Variants in SUPT16H observed in about 807,000 individuals in gnomAD.
SUPT16H encodes SPT16 homolog, facilitates chromatin remodeling subunit.
SUPT16H carries 24 observed loss-of-function variants against 136.2 expected under a neutral mutation model. The observed-to-expected ratio is 0.18, with a 90% CI of 0.13 to 0.25. The LOEUF is 0.25. Ranked by LOEUF, SUPT16H falls within the 10% of genes least tolerant of loss-of-function variation. SUPT16H has a pLI of 1.00. For synonymous variants in SUPT16H, 415 were observed against 428.2 expected, an observed-to-expected ratio of 0.97 and a Z score of 0.38; for missense variants, 623 against 1,270.2, an observed-to-expected ratio of 0.49 and a Z score of 7.74.
At chr14:21,366,164 G>T (rs1029208919) in intron 8 of SUPT16H, among the ~76,000 whole-genome samples, 1 of 152,122 alleles carries the variant, frequency 6.6e-6, no homozygotes, top group Admixed American at 6.5e-5. Context: ...AGGAGATATA[G>T]TATGTATTGA....
intron 22 of SUPT16H, 41 bp downstream of exon 22, chr14:21,357,156 G>A (rs1298633163): frequency 6.7e-7 from 1 of 1,495,410 alleles, no homozygotes; most frequent in Non-Finnish European, 8.9e-7. Flanking sequence ...ATAAAACAGG[G>A]CTCATGGGCT....
At chr14:21,359,344 T>C (rs1886502675) in intron 19 of SUPT16H, 140 bp downstream of exon 19, 1 of 1,187,294 alleles carries the variant, frequency 8.4e-7, no homozygotes, top group East Asian at 2.5e-5. Flanking sequence ...GATCTGCCCA[T>C]GTTGGCCTCC....
chr14:21,371,809 G>T, intron 3 of SUPT16H, 65 bp downstream of exon 3: 1 of 1,585,766 alleles, frequency 6.3e-7, no homozygotes, highest in Non-Finnish European at 8.6e-7. Flanking sequence ...CTCCTATAAG[G>T]CATTTCTGTT....
At chr14:21,380,534 G>T (rs1239576433) in intron 1 of SUPT16H, among the ~76,000 whole-genome samples, 2 of 152,116 alleles carry the variant, frequency 1.3e-5, no homozygotes, top group Non-Finnish European at 2.9e-5. Flanking sequence ...CAAAGAGCCA[G>T]AAAGCTCCAC....
intron 5 of SUPT16H, 30 bp from the exon 6 acceptor site, chr14:21,369,385 C>A (rs1451256970): frequency 1.2e-6 from 2 of 1,613,574 alleles, no homozygotes; most frequent in South Asian, 2.2e-5. Flanking sequence ...TAAAGTAACA[C>A]TTACTAGAGG....
At chr14:21,358,270 A>G in intron 20 of SUPT16H, 45 bp downstream of exon 20, 1 of 1,203,908 alleles carries the variant, frequency 8.3e-7, no homozygotes, top group Non-Finnish European at 1.2e-6. Context: ...TATTGTACCA[A>G]AAGACAGACC....
chr14:21,377,397 C>T (rs7142017), intron 1 of SUPT16H, among the ~76,000 whole-genome samples: 4 of 152,162 alleles, frequency 2.6e-5, no homozygotes, highest in South Asian at 2.1e-4. Context: ...AAGTCTTTGA[C>T]GCCAAATAAT....
intron 1 of SUPT16H, among the ~76,000 whole-genome samples, chr14:21,381,228 C>T (rs1228995704): frequency 6.6e-6 from 1 of 152,024 alleles, no homozygotes; most frequent in Non-Finnish European, 1.5e-5. Context: ...AATTTCTATT[C>T]AGTTAAAAGT....
At chr14:21,358,261 A>T in intron 20 of SUPT16H, 54 bp downstream of exon 20, 1 of 1,098,138 alleles carries the variant, frequency 9.1e-7, no homozygotes, top group Non-Finnish European at 1.3e-6. Context: ...AGAATAATTT[A>T]TTGTACCAAA....
chr14:21,366,942 C>A (rs1325638517), intron 7 of SUPT16H, among the ~76,000 whole-genome samples: 1 of 151,908 alleles, frequency 6.6e-6, no homozygotes, highest in Non-Finnish European at 1.5e-5. Flanking sequence ...CTCCACCTGG[C>A]CCCATTCTTT....
rs1290087660 is a variant in SUPT16H at position 21,363,373 on chromosome 14, A to G, written c.1300-45T>C. ...CAAAAAATGAAATTTTAATTATTTT[A>G]GCCAATATTATTTAACTTCTTTATA... On this transcript the variant is annotated intron_variant, in intron 11 of 25. Coordinates refer to ENST00000216297, the MANE Select transcript of SUPT16H (RefSeq NM_007192.4). The G allele has an allele frequency of 1.9e-6, 3 of 1,602,560 alleles. No individual in the cohort carries two copies. In the Admixed American group the frequency reaches 5.0e-5, roughly 27 times the overall value.
At chr14:21,374,328 G>T (rs1886853587) in intron 1 of SUPT16H, among the ~76,000 whole-genome samples, 1 of 152,206 alleles carries the variant, frequency 6.6e-6, no homozygotes. Flanking sequence ...GTCCTTTCTG[G>T]CTGATGGAGA....
rs1444460695 is a variant in SUPT16H at position 21,351,602 on chromosome 14, C to G, written c.*1071G>C. 1 of 166,996 alleles carries G rather than the reference C, an allele frequency of 6.0e-6. No individual in the cohort carries two copies. The highest frequency in any genetic ancestry group is 6.2e-5 in the Admixed American group (1 of 16,056). The allele number at this position is 166,996 out of a possible 1,614,324, so 10.3% of individuals were successfully genotyped here. A position where few individuals can be genotyped will look rare whatever the true frequency, so the allele number is the denominator to read the frequency against. The stretch of plus-strand genomic sequence containing the variant: ...ACATAAAATCCGGGACCCCTCCCCC[C>G]TTCTTCTCTTAAAGTCACAGAGCAC... On this transcript the variant is annotated 3_prime_UTR_variant, in exon 26 of 26. Transcript: ENST00000216297.
intron 1 of SUPT16H, among the ~76,000 whole-genome samples, chr14:21,380,438 T>A (rs981997494): frequency 1.8e-4 from 28 of 152,022 alleles, no homozygotes; most frequent in African/African-American, 5.8e-4. Context: ...ATGTATTTTT[T>A]AAAATCCTTC....
intron 3 of SUPT16H, 113 bp from the exon 4 acceptor site, chr14:21,370,601 C>G (rs760184108): frequency 2.6e-5 from 29 of 1,126,788 alleles, no homozygotes; most frequent in Non-Finnish European, 3.5e-5. Flanking sequence ...TAATTCTCCT[C>G]CCATCCCCAC....
chr14:21,373,243 G>T, intron 2 of SUPT16H, 95 bp downstream of exon 2: 1 of 1,038,812 alleles, frequency 9.6e-7, no homozygotes, highest in Non-Finnish European at 1.5e-6. Flanking sequence ...ACCGCAGCCA[G>T]CCAGGAATTT....
chr14:21,369,289 C>G lies in SUPT16H; in HGVS notation c.697G>C (p.Gly233Arg). 6.2e-7 allele frequency: 1 copy of G among 1,614,172 alleles called. No homozygotes were observed. The highest frequency in any genetic ancestry group is 8.5e-7 in the Non-Finnish European group (1 of 1,180,016). The change falls in exon 6 of 26, where the codon GGG becomes CGG. Residue 233 changes from glycine (G) to arginine (R), a missense_variant. Around this residue, in one of 7 missense-constraint regions of SUPT16H, gnomAD observed 343 missense variants for 525.7 expected, o/e 0.65. Transcript: ENST00000216297. ...ATTTCCACAGTAGAAGGGTCTGCCCCAGCAAGGTATTTTTTCTCTTCAATG... is the reference window on the plus strand; with the variant it reads ...ATTTCCACAGTAGAAGGGTCTGCCCGAGCAAGGTATTTTTTCTCTTCAATG... ...KAIEEKKYLA[G>R]ADPSTVEMCY...
intron 6 of SUPT16H, among the ~76,000 whole-genome samples, chr14:21,368,690 A>G (rs193099842): frequency 2.0e-3 from 302 of 152,346 alleles, no homozygotes; most frequent in Non-Finnish European, 3.7e-3. Flanking sequence ...CTGGATTACA[A>G]AAATGCAAAT....
chr14:21,355,513 T>TA (rs59639210), intron 22 of SUPT16H, among the ~76,000 whole-genome samples: 47 of 113,476 alleles, frequency 4.1e-4, no homozygotes, highest in Admixed American at 6.5e-4. Flanking sequence ...ATAATAATAA[T>TA]AAAAAAAAAA....
Sources: gnomAD v4.1 joint callset for allele counts (sites outside exome capture counted in the v4.1 genomes callset) on GRCh38, gnomAD v4.1.1 for gene constraint, gnomAD v4.1.1 regional missense constraint, MANE v1.5 for transcripts, NCBI Gene and HGNC (gene_info 2026-07-23, HGNC 2026-07-21) for gene names.